DNM3: variants seen among roughly 807,000 people sequenced by gnomAD.
DNM3 encodes the protein dynamin-3.
In DNM3, 47 loss-of-function variants were observed where a neutral mutation model predicts 101.6. That is an observed-to-expected ratio of 0.46 (90% CI 0.37 to 0.59). The LOEUF is 0.59. Among genes scored for constraint, DNM3 ranks in the 20% least tolerant of loss-of-function variants. The pLI is 0.00. For synonymous variants in DNM3, 385 were observed against 387.9 expected (o/e 0.99, Z 0.09); for missense variants, 849 against 1,085.7 (o/e 0.78, Z 3.06).
chr1:172,146,095 T>C (rs1177218957), intron 14 of DNM3, among the ~76,000 whole-genome samples: 3 of 152,210 alleles, frequency 2.0e-5, no homozygotes, highest in Non-Finnish European at 4.4e-5. Flanking sequence ...AAATTTAATT[T>C]GACCAACCAG....
At chr1:172,128,195 G>A (rs899019071) in intron 13 of DNM3, among the ~76,000 whole-genome samples, 8 of 152,058 alleles carry the variant, frequency 5.3e-5, no homozygotes, top group African/African-American at 1.9e-4. Context: ...GAGTTTTACC[G>A]CTACCAGTGT....
chr1:172,183,778 T>A (rs1280082818), intron 14 of DNM3, among the ~76,000 whole-genome samples: 1 of 140,322 alleles, frequency 7.1e-6, no homozygotes, highest in African/African-American at 2.6e-5. Context: ...TTTTTTTTTT[T>A]TTTTTTTTTT....
In DNM3 at chr1:172,409,045, GAT is replaced by G. The variant is rs1310571855; in HGVS notation, c.*1205_*1206del. ...CTAAAGCAAATTTGCAATTTCTTAA[GAT>G]TTCTAAAATTTACCAGAACAGTTTA... On this transcript the variant is annotated 3_prime_UTR_variant, in exon 21 of 21. Transcript: ENST00000627582. 1.0e-6 allele frequency: 1 copy of G among 985,220 alleles called. No individual in the cohort carries two copies. Among genetic ancestry groups the G allele is most frequent in the Non-Finnish European group, 1.2e-6 (1 of 829,856 alleles). The allele number at this position is 985,220 out of a possible 1,614,324, so 61.0% of individuals were successfully genotyped here.
intron 14 of DNM3, among the ~76,000 whole-genome samples, chr1:172,217,068 A>G (rs145564072): frequency 7.2e-5 from 11 of 152,284 alleles, no homozygotes; most frequent in Non-Finnish European, 1.5e-4. Context: ...ATTGGTTACA[A>G]TATCAATGGA....
intron 14 of DNM3, among the ~76,000 whole-genome samples, chr1:172,191,231 C>T (rs1383217326): frequency 3.3e-5 from 5 of 151,962 alleles, no homozygotes; most frequent in Admixed American, 3.3e-4. Flanking sequence ...AGCTTTCTAC[C>T]TATGGCTAGC....
In DNM3 at chr1:172,412,238, A is replaced by G; in HGVS notation, c.*4397A>G. 2.0e-6 allele frequency: 2 copies of G among 985,420 alleles called. No homozygotes were observed. The highest frequency in any genetic ancestry group is 2.4e-6 in the Non-Finnish European group (2 of 829,824). The allele number at this position is 985,420 out of a possible 1,614,324, so 61.0% of individuals were successfully genotyped here. A position where few individuals can be genotyped will look rare whatever the true frequency, so the allele number is the denominator to read the frequency against. ...ATCTCTTTTTAATTTTTACTCTTGA[A>G]TTCCTTAAACTTCGCTCATTATGAA... On this transcript the variant is annotated 3_prime_UTR_variant, in exon 21 of 21. Coordinates refer to ENST00000627582, the MANE Select transcript of DNM3 (RefSeq NM_015569.5).
At chr1:171,924,147 A>G (rs2040384064) in intron 2 of DNM3, among the ~76,000 whole-genome samples, 1 of 152,150 alleles carries the variant, frequency 6.6e-6, no homozygotes, top group Non-Finnish European at 1.5e-5. Context: ...ACATACAAGT[A>G]TAGGTATCTT....
intron 1 of DNM3, among the ~76,000 whole-genome samples, chr1:171,858,430 C>T (rs1300667357): frequency 6.6e-6 from 1 of 151,988 alleles, no homozygotes; most frequent in Non-Finnish European, 1.5e-5. Flanking sequence ...CTTAGCTTTC[C>T]TACCCGATAA....
intron 17 of DNM3, among the ~76,000 whole-genome samples, chr1:172,348,924 G>T (rs185904425): frequency 5.8e-4 from 88 of 152,274 alleles, no homozygotes; most frequent in African/African-American, 2.0e-3. Flanking sequence ...CTGAAAAGGT[G>T]CAGCCAGTCC....
At chr1:172,393,571 C>T (rs765198148) in intron 20 of DNM3, 2 of 150,882 alleles carry the variant, frequency 1.3e-5, no homozygotes, top group African/African-American at 2.4e-5. Flanking sequence ...TACTGAAAAC[C>T]TCCTGACTTA....
chr1:172,056,158 G>A (rs953135799), intron 10 of DNM3, among the ~76,000 whole-genome samples: 27 of 152,206 alleles, frequency 1.8e-4, no homozygotes, highest in Admixed American at 2.0e-4. Context: ...GGCACACCAC[G>A]AGATTATATC....
At chr1:172,369,790 C>T (rs1367722491) in intron 17 of DNM3, among the ~76,000 whole-genome samples, 2 of 151,714 alleles carry the variant, frequency 1.3e-5, no homozygotes, top group Admixed American at 6.6e-5. Flanking sequence ...CTAGAGATGC[C>T]ATAACAAATT....
At chr1:172,103,385 A>G (rs980360498) in intron 13 of DNM3, among the ~76,000 whole-genome samples, 5 of 152,224 alleles carry the variant, frequency 3.3e-5, no homozygotes, top group Non-Finnish European at 5.9e-5. Context: ...AAATATGTGA[A>G]GTTGACCTCA....
At chr1:171,918,998 T>G (rs2039942520) in intron 1 of DNM3, among the ~76,000 whole-genome samples, 1 of 152,164 alleles carries the variant, frequency 6.6e-6, no homozygotes, top group African/African-American at 2.4e-5. Context: ...TTCTCTGCCT[T>G]TTTTCTTGAA....
intron 11 of DNM3, among the ~76,000 whole-genome samples, chr1:172,071,918 C>G (rs1230239904): frequency 6.6e-6 from 1 of 152,164 alleles, no homozygotes; most frequent in African/African-American, 2.4e-5. Flanking sequence ...TTTCATCCCC[C>G]ACATGCGACC....
At chr1:172,364,307 C>T (rs1004402999) in intron 17 of DNM3, among the ~76,000 whole-genome samples, 1 of 151,662 alleles carries the variant, frequency 6.6e-6, no homozygotes, top group Non-Finnish European at 1.5e-5. Context: ...ATAAGGGGGT[C>T]ATTTTCTGCT....
At position 172,411,193 on chromosome 1, in the gene DNM3, C is replaced by A. The variant is rs2071183306; in HGVS notation, c.*3352C>A. The A allele has an allele frequency of 8.1e-6, 8 of 985,140 alleles. No individual in the cohort carries two copies. The highest frequency in any genetic ancestry group is 9.6e-6 in the Non-Finnish European group (8 of 829,782). The allele number at this position is 985,140 out of a possible 1,614,324, so 61.0% of individuals were successfully genotyped here. ...TAAACTGTGATAATACAACAGATAGCTTTGAATGATCTGCCATAACATGTG... is the reference window on the plus strand; with the variant it reads ...TAAACTGTGATAATACAACAGATAGATTTGAATGATCTGCCATAACATGTG... On this transcript the variant is annotated 3_prime_UTR_variant, in exon 21 of 21. Transcript: ENST00000627582.
intron 2 of DNM3, among the ~76,000 whole-genome samples, chr1:171,942,924 G>C (rs537994600): frequency 1.3e-5 from 2 of 152,040 alleles, no homozygotes; most frequent in East Asian, 3.9e-4. Context: ...ACTAGCCTGG[G>C]CAACATAGTA....
chr1:172,339,288 T>G (rs904262218), intron 17 of DNM3, among the ~76,000 whole-genome samples: 1 of 152,166 alleles, frequency 6.6e-6, no homozygotes, highest in East Asian at 1.9e-4. Context: ...TCTTGAAAAT[T>G]TTTACCCAAC....
Sources: gnomAD v4.1 joint callset for allele counts (sites outside exome capture counted in the v4.1 genomes callset) on GRCh38, gnomAD v4.1.1 for gene constraint, MANE v1.5 for transcripts, NCBI Gene and HGNC (gene_info 2026-07-23, HGNC 2026-07-21) for gene names.